Variants in SRI observed in about 807,000 individuals in gnomAD.
SRI encodes 22 kDa protein.
In SRI, 30 loss-of-function variants were observed where a neutral mutation model predicts 33.3. The ratio of observed to expected loss-of-function variants is 0.90; its 90% CI spans 0.67 to 1.22. SRI has a LOEUF of 1.22. SRI is among the 50% of genes most tolerant of loss of function. SRI has a pLI of 0.00. For synonymous variants in SRI, 75 were observed against 89.9 expected, an observed-to-expected ratio of 0.83 and a Z score of 0.94; for missense variants, 243 against 250.8, an observed-to-expected ratio of 0.97 and a Z score of 0.21.
upstream of SRI, chr7:88,220,199 CTG>C: frequency 7.6e-7 from 1 of 1,313,970 alleles, no homozygotes; most frequent in South Asian, 2.1e-5. Flanking sequence ...GCTCCCCTGC[CTG>C]CGCGCTTCTT....
intron 3 of SRI, among the ~76,000 whole-genome samples, chr7:88,211,245 A>G (rs573797861): frequency 2.0e-5 from 3 of 152,334 alleles, no homozygotes; most frequent in African/African-American, 7.2e-5. Context: ...ACCTGAGGTC[A>G]GGAGTTTGAG....
upstream of SRI, chr7:88,220,121 C>G: frequency 7.3e-7 from 1 of 1,372,986 alleles, no homozygotes; most frequent in Non-Finnish European, 9.3e-7. Flanking sequence ...CGCCCCAGAG[C>G]GCACCACGCG....
chr7:88,216,541 G>A (rs1173135817), intron 3 of SRI: 1 of 153,626 alleles, frequency 6.5e-6, no homozygotes, highest in African/African-American at 2.4e-5. Context: ...AGGGGTGCAG[G>A]GCAGCAACTC....
chr7:88,220,087 C>T (rs1010082512), upstream of SRI: 4 of 1,459,156 alleles, frequency 2.7e-6, no homozygotes, highest in Non-Finnish European at 3.6e-6. Flanking sequence ...CCCCCTGCCC[C>T]GCCCCGCCCT....
rs779742417 is a variant in SRI, at chr7:88,209,975, A to C, written c.397+8T>G. The C allele has an allele frequency of 1.9e-6, 3 of 1,614,032 alleles. No homozygotes were observed. The African/African-American group carries it at 4.0e-5, about 22-fold the overall frequency. ...AATGAATGGAGAGTTCTAGTAAGCC[A>C]TACCTACCCATTGTTGTCAGGGCCT... On this transcript the variant is annotated splice_region_variant and intron_variant, in intron 5 of 7. Coordinates refer to ENST00000265729, the MANE Select transcript of SRI (RefSeq NM_003130.4).
exon 1 of SRI, chr7:88,226,969 T>C (rs1461157045): frequency 6.2e-7 from 1 of 1,612,076 alleles, no homozygotes; most frequent in East Asian, 2.2e-5. Flanking sequence ...ATTGCCTTCT[T>C]GCAGAGTGGC....
chr7:88,220,329 C>T (rs994500475), upstream of SRI, among the ~76,000 whole-genome samples: 3 of 151,248 alleles, frequency 2.0e-5, no homozygotes, highest in African/African-American at 7.3e-5. Flanking sequence ...ATGGCACATT[C>T]CAACACCAAT....
At chr7:88,209,166 C>A in intron 6 of SRI, 173 bp downstream of exon 6, 1 of 467,920 alleles carries the variant, frequency 2.1e-6, no homozygotes, top group South Asian at 4.1e-5. Flanking sequence ...AAAATAAATT[C>A]TGGAAAAAAA....
At chr7:88,211,523 A>T (rs1264420394) in intron 3 of SRI, among the ~76,000 whole-genome samples, 1 of 152,162 alleles carries the variant, frequency 6.6e-6, no homozygotes, top group African/African-American at 2.4e-5. Context: ...TAGCGAGTTC[A>T]AGTCACCATA....
upstream of SRI, among the ~76,000 whole-genome samples, chr7:88,223,028 C>T (rs1250099283): frequency 6.6e-6 from 1 of 152,000 alleles, no homozygotes; most frequent in African/African-American, 2.4e-5. Context: ...AGAGCTTCTG[C>T]ACAGCAAAAG....
At chr7:88,225,798 T>G (rs1851980844) in intron 1 of SRI, among the ~76,000 whole-genome samples, 1 of 152,214 alleles carries the variant, frequency 6.6e-6, no homozygotes, top group Non-Finnish European at 1.5e-5. Flanking sequence ...AATATTAAAT[T>G]TAAAGCAATT....
chr7:88,223,102 C>T (rs1011549491), upstream of SRI, among the ~76,000 whole-genome samples: 13 of 152,156 alleles, frequency 8.5e-5, no homozygotes, highest in African/African-American at 2.7e-4. Context: ...ACCTACTCAT[C>T]TGACAAAGAA....
At position 88,210,167 on chromosome 7, in the gene SRI, A is replaced by G. The variant is rs534641764; in HGVS notation, c.250-37T>C. The G allele has an allele frequency of 9.5e-5, 153 of 1,611,712 alleles. 1 individual carries two copies. The South Asian group carries it at 1.6e-3, about 17-fold the overall frequency. On this transcript the variant is annotated intron_variant, in intron 4 of 7. Coordinates refer to ENST00000265729, the MANE Select transcript of SRI (RefSeq NM_003130.4). ...TCAAGGATTAGAGCTGTATTTTGCG[A>G]TATTTTCTAAGGATTAAATGAAAGA...
chr7:88,206,395 T>C lies in SRI; in HGVS notation c.*83A>G, dbSNP rs971215754. ...AAGAGAAAGTCGTGATGTAAGTTTA[T>C]ACATATTACCGAAGGCAAAGAGGAC... On this transcript the variant is annotated 3_prime_UTR_variant, in exon 8 of 8. Transcript: ENST00000265729. 8 of 1,485,828 alleles carry C rather than the reference T, an allele frequency of 5.4e-6. No individual in the cohort carries two copies. In the East Asian group the frequency reaches 1.1e-4, roughly 21 times the overall value. 92.0% of individuals were successfully genotyped at this position (1,485,828 alleles called of 1,614,324 possible).
chr7:88,226,253 A>G lies in SRI; in HGVS notation c.6+656T>C, dbSNP rs551016398. On this transcript the variant is annotated intron_variant, in intron 1 of 7. Transcript: ENST00000394641. ...ACTGGTTCTCAGGCAAGCCCTCGAA[A>G]GTTCTTTAAAGCCTTCATTGTTCTC... is the stretch of plus-strand genomic sequence containing the variant. Among the ~76,000 whole-genome samples, 135 of 152,310 alleles carry G rather than the reference A, an allele frequency of 8.9e-4. 1 individual carries two copies. Among genetic ancestry groups the G allele is most frequent in the Middle Eastern group, 3.4e-3 (1 of 294 alleles).
chr7:88,218,602 T>C (rs1199275269), intron 2 of SRI: 2 of 424,514 alleles, frequency 4.7e-6, no homozygotes, highest in Non-Finnish European at 8.7e-6. Flanking sequence ...TTTTTTCGCT[T>C]GAAACCATCC....
intron 3 of SRI, among the ~76,000 whole-genome samples, chr7:88,216,498 G>A (rs1851719602): frequency 6.6e-6 from 1 of 152,208 alleles, no homozygotes; most frequent in Admixed American, 6.5e-5. Context: ...AAAGCTCAGA[G>A]ACCAGGAGTG....
intron 3 of SRI, among the ~76,000 whole-genome samples, chr7:88,213,886 T>G (rs1224458806): frequency 1.3e-5 from 2 of 152,208 alleles, no homozygotes. Context: ...GCTATAATTT[T>G]TCTGACACAG....
rs554342523 is a variant in SRI, at chr7:88,205,809, T to C, written c.*669A>G. ...GAATTCCATTCATCCAAAATAAACA[T>C]TGTTAATATTTCCATATATTCCCTT... On this transcript the variant is annotated 3_prime_UTR_variant, in exon 8 of 8. Transcript: ENST00000265729. 6 of 152,524 alleles carry C rather than the reference T, an allele frequency of 3.9e-5. No individual in the cohort carries two copies. The South Asian group carries it at 8.3e-4, about 21-fold the overall frequency. 9.4% of individuals were successfully genotyped at this position (152,524 alleles called of 1,614,324 possible). A position where few individuals can be genotyped will look rare whatever the true frequency, so the allele number is the denominator to read the frequency against.
Sources: allele counts gnomAD v4.1 joint callset (sites outside exome capture counted in the v4.1 genomes callset), GRCh38; gene constraint gnomAD v4.1.1; transcripts MANE v1.5; gene names NCBI Gene and HGNC (gene_info 2026-07-23, HGNC 2026-07-21).